CACNA2D3: variants seen among roughly 807,000 people sequenced by gnomAD.
CACNA2D3 encodes calcium voltage-gated channel auxiliary subunit alpha2delta 3.
A neutral mutation model predicts 160.6 loss-of-function variants in CACNA2D3; 60 were observed. That is an observed-to-expected ratio of 0.37 (90% CI 0.30 to 0.46). CACNA2D3 has a LOEUF of 0.46. Ranked by LOEUF, CACNA2D3 falls within the 20% of genes least tolerant of loss-of-function variation. The pLI is 1.00. For synonymous variants in CACNA2D3, 558 were observed against 492.9 expected (o/e 1.13, Z -1.75); for missense variants, 1,205 against 1,365.0 (o/e 0.88, Z 1.85).
intron 11 of CACNA2D3, among the ~76,000 whole-genome samples, chr3:54,750,155 T>G (rs1701831150): frequency 6.6e-6 from 1 of 152,242 alleles, no homozygotes; most frequent in South Asian, 2.1e-4. Flanking sequence ...TTCTGGAGTT[T>G]TAACTATGTC....
At chr3:54,211,764 A>C (rs1410650896) in intron 2 of CACNA2D3, among the ~76,000 whole-genome samples, 2 of 152,210 alleles carry the variant, frequency 1.3e-5, no homozygotes, top group East Asian at 3.8e-4. Context: ...TCTATGAATT[A>C]ATGCTTTGTG....
chr3:54,430,192 A>G (rs979789295), intron 4 of CACNA2D3, among the ~76,000 whole-genome samples: 15 of 151,116 alleles, frequency 9.9e-5, no homozygotes, highest in Admixed American at 3.3e-4. Context: ...AAGTTTTACA[A>G]TGAGCTTATA....
chr3:54,897,719 G>C (rs1293188643), intron 26 of CACNA2D3, among the ~76,000 whole-genome samples: 2 of 152,168 alleles, frequency 1.3e-5, no homozygotes, highest in African/African-American at 4.8e-5. Context: ...TCCAGGGTTT[G>C]TGCCCAATCC....
intron 11 of CACNA2D3, among the ~76,000 whole-genome samples, chr3:54,711,036 T>A (rs964026234): frequency 6.6e-6 from 1 of 150,912 alleles, no homozygotes. Context: ...TGCCATCAAA[T>A]AACAAACAGG....
chr3:54,320,428 C>T lies in CACNA2D3; in HGVS notation c.205-14C>T. 2 of 1,385,782 alleles carry T rather than the reference C, an allele frequency of 1.4e-6. No homozygotes were observed. The highest frequency in any genetic ancestry group is 3.5e-4 in the Middle Eastern group (2 of 5,666). 85.8% of individuals were successfully genotyped at this position (1,385,782 alleles called of 1,614,324 possible). ...GGTGTCATGTGTCTTGAATGTTGCC[C>T]TCTCTTCTTACAGAAATACAAAGAG... On this transcript the variant is annotated splice_polypyrimidine_tract_variant and intron_variant, in intron 2 of 37. Transcript: ENST00000474759.
chr3:55,062,005 A>G (rs28421570), intron 35 of CACNA2D3, among the ~76,000 whole-genome samples: 4,029 of 152,340 alleles, frequency 0.026, 192 homozygotes, highest in African/African-American at 0.091. Flanking sequence ...GTGAACCTTG[A>G]AGAATGGTGA....
chr3:54,958,321 A>G (rs1263854693), intron 27 of CACNA2D3, among the ~76,000 whole-genome samples: 1 of 152,334 alleles, frequency 6.6e-6, no homozygotes, highest in South Asian at 2.1e-4. Context: ...TGAGCCCAAG[A>G]GTTGGAGGCT....
chr3:54,340,388 G>T (rs1376988497), intron 3 of CACNA2D3, among the ~76,000 whole-genome samples: 1 of 152,178 alleles, frequency 6.6e-6, no homozygotes, highest in African/African-American at 2.4e-5. Flanking sequence ...GTTTCAAAGT[G>T]AGTTGCAGAC....
intron 13 of CACNA2D3, among the ~76,000 whole-genome samples, chr3:54,799,312 A>C (rs188247487): frequency 1.1e-3 from 160 of 151,826 alleles, no homozygotes; most frequent in African/African-American, 3.7e-3. Context: ...TAGATTGCAT[A>C]TTTATTTGAT....
At chr3:54,300,363 T>C (rs1703446162) in intron 2 of CACNA2D3, among the ~76,000 whole-genome samples, 1 of 152,250 alleles carries the variant, frequency 6.6e-6, no homozygotes, top group Non-Finnish European at 1.5e-5. Context: ...TGGCATATTC[T>C]CCCAAATGGC....
chr3:54,520,453 C>T (rs750989103), intron 5 of CACNA2D3, among the ~76,000 whole-genome samples: 18 of 152,120 alleles, frequency 1.2e-4, no homozygotes, highest in Admixed American at 5.2e-4. Context: ...TGACTCAGTC[C>T]GTGGACAGCA....
At chr3:54,141,106 CAT>C (rs1480973875) in intron 2 of CACNA2D3, among the ~76,000 whole-genome samples, 5 of 91,642 alleles carry the variant, frequency 5.5e-5, no homozygotes, top group African/African-American at 2.6e-4. Context: ...CGCGTGTGTG[CAT>C]GCATGCCTGA....
chr3:54,823,358 T>C (rs1442028416), intron 14 of CACNA2D3, among the ~76,000 whole-genome samples: 2 of 151,900 alleles, frequency 1.3e-5, no homozygotes, highest in East Asian at 3.9e-4. Context: ...GTAAAAACAA[T>C]ATTACATTTT....
In CACNA2D3 at chr3:54,807,308, A is replaced by G. The variant is rs562556296; in HGVS notation, c.1381-9545A>G. 1.4e-4 allele frequency among the ~76,000 whole-genome samples: 22 copies of G among 152,234 alleles called. No homozygotes were observed. In the East Asian group the frequency reaches 1.9e-3, roughly 13 times the overall value. On this transcript the variant is annotated intron_variant, in intron 13 of 37. Transcript: ENST00000474759. ...GAAAATTTTCGCAACCTTCTCATCT[A>G]ACAAAGGGCTAATATCCAGAATCTA...
rs146239296 is a variant in CACNA2D3 at position 54,931,855 on chromosome 3, G to A, written c.2449+31987G>A. Among the ~76,000 whole-genome samples the A allele has an allele frequency of 9.3e-3, 1,412 of 152,212 alleles. 15 individuals are homozygous for A. Among genetic ancestry groups the A allele is most frequent in the Non-Finnish European group, 0.014 (932 of 68,016 alleles). On this transcript the variant is annotated intron_variant, in intron 27 of 37. Coordinates refer to ENST00000474759, the MANE Select transcript of CACNA2D3 (RefSeq NM_018398.3). ...ATGTCTTGAAATCCAGCATGTAATA[G>A]CTCTTTCTCCCAGGCAATATTACAC... is the stretch of plus-strand genomic sequence containing the variant.
chr3:54,943,077 C>CT (rs1472881871), intron 27 of CACNA2D3, among the ~76,000 whole-genome samples: 1 of 151,964 alleles, frequency 6.6e-6, no homozygotes, highest in Admixed American at 6.6e-5. Context: ...TAGCAGGTGC[C>CT]TGTAGTCCCA....
intron 2 of CACNA2D3, among the ~76,000 whole-genome samples, chr3:54,246,293 T>G (rs575621217): frequency 6.6e-6 from 1 of 152,374 alleles, no homozygotes; most frequent in Non-Finnish European, 1.5e-5. Flanking sequence ...TCTTTTTGCT[T>G]ACATTGTTTT....
chr3:54,843,416 G>T (rs563225702), intron 16 of CACNA2D3, among the ~76,000 whole-genome samples: 1 of 152,324 alleles, frequency 6.6e-6, no homozygotes, highest in South Asian at 2.1e-4. Flanking sequence ...AGAAGGAGGG[G>T]TGCCTTGGGT....
At chr3:54,368,693 CTTTTTT>C (rs33976949) in intron 3 of CACNA2D3, among the ~76,000 whole-genome samples, 7 of 71,536 alleles carry the variant, frequency 9.8e-5, no homozygotes, top group Non-Finnish European at 1.3e-4. Context: ...GGGTAGGGTT[CTTTTTT>C]TTTTTTTTTT....
Sources: allele counts gnomAD v4.1 joint callset (sites outside exome capture counted in the v4.1 genomes callset), GRCh38; gene constraint gnomAD v4.1.1; transcripts MANE v1.5; gene names NCBI Gene and HGNC (gene_info 2026-07-23, HGNC 2026-07-21).